Variants in IGSF3 observed in about 807,000 individuals in gnomAD.
The protein encoded by IGSF3 is glu-Trp-Ile EWI motif-containing protein 3.
Under a neutral mutation model 114.4 loss-of-function variants are expected in IGSF3, and 23 were observed. The ratio of observed to expected loss-of-function variants is 0.20; its 90% confidence interval spans 0.14 to 0.28. IGSF3 has a LOEUF of 0.28. Ranked by LOEUF, IGSF3 falls within the 10% of genes least tolerant of loss-of-function variation. IGSF3 has a pLI of 1.00. For synonymous variants in IGSF3, 571 were observed against 645.2 expected (o/e 0.88, Z 1.74); for missense variants, 1,172 against 1,591.5 (o/e 0.74, Z 4.48).
rs899569190 is a variant in IGSF3, at chr1:116,584,919, C to T, written c.2574G>A (p.Lys858=). 6.2e-6 allele frequency: 10 copies of T among 1,613,968 alleles called. No homozygotes were observed. The African/African-American group carries it at 8.0e-5, about 13-fold the overall frequency. ...CAGTCTCCCGCTCAGGGTGGTTGGGCTTCCATACAAACCATTCCACCATGA... is the reference window on the plus strand; with the variant it reads ...CAGTCTCCCGCTCAGGGTGGTTGGGTTTCCATACAAACCATTCCACCATGA... ...SQLMVEWFVW[K]PNHPERETVA... The change falls in exon 9 of 11, where the codon AAG becomes AAA. Residue 858 remains lysine, a synonymous_variant. Transcript: ENST00000369486. This position sits in a 1 kb window ranked among gnomAD's most constrained non-coding sequence, Gnocchi z 5.8.
chr1:116,659,659 G>C (rs1351962807), intron 2 of IGSF3, among the ~76,000 whole-genome samples: 1 of 152,072 alleles, frequency 6.6e-6, no homozygotes, highest in Non-Finnish European at 1.5e-5. Flanking sequence ...GGGCCACCCA[G>C]GCTAGAGTGC....
intron 2 of IGSF3, among the ~76,000 whole-genome samples, chr1:116,637,631 C>T (rs959255425): frequency 1.3e-5 from 2 of 152,178 alleles, no homozygotes; most frequent in Non-Finnish European, 1.5e-5. Flanking sequence ...ATGGCAGACA[C>T]CTGCCAACTA....
Position 116,632,628 on chromosome 1 carries a change from A to G in IGSF3, c.44-16171T>C, listed in dbSNP as rs1328354265. ...ATATATTTTTGTCTCCTCAAACTTAAGAAAAGCATTAAAGGAAATCCATGC... is the reference window on the plus strand; with the variant it reads ...ATATATTTTTGTCTCCTCAAACTTAGGAAAAGCATTAAAGGAAATCCATGC... On this transcript the variant is annotated intron_variant, in intron 2 of 10. Coordinates refer to ENST00000369486, the MANE Select transcript of IGSF3 (RefSeq NM_001007237.3). The surrounding 1 kb of genome is among the most constrained non-coding windows in gnomAD (Gnocchi z 5.1). Among the ~76,000 whole-genome samples, 2 of 152,222 alleles carry G rather than the reference A, an allele frequency of 1.3e-5. No homozygotes were observed. The highest frequency in any genetic ancestry group is 2.9e-5 in the Non-Finnish European group (2 of 68,036).
intron 2 of IGSF3, among the ~76,000 whole-genome samples, chr1:116,635,206 T>A (rs1466476158): frequency 6.6e-6 from 1 of 152,272 alleles, no homozygotes; most frequent in East Asian, 1.9e-4. Flanking sequence ...ACTTACTTCA[T>A]GTTCCTATTC....
At position 116,650,144 on chromosome 1, in the gene IGSF3, C is replaced by T. The variant is rs948711560; in HGVS notation, c.43+16140G>A. Among the ~76,000 whole-genome samples the T allele has an allele frequency of 6.7e-4, 102 of 152,324 alleles. No homozygotes were observed. The highest frequency in any genetic ancestry group is 2.2e-3 in the African/African-American group (92 of 41,574). On this transcript the variant is annotated intron_variant, in intron 2 of 10. Coordinates refer to ENST00000369486, the MANE Select transcript of IGSF3 (RefSeq NM_001007237.3). The surrounding 1 kb of genome is among the most constrained non-coding windows in gnomAD (Gnocchi z 5.0). ...GTACAAGAAGAAATCCTGTTTCATG[C>T]TCCTTTGAGGGAGTGTCTAACATAG...
At position 116,616,247 on chromosome 1, in the gene IGSF3, G is replaced by T; in HGVS notation, c.254C>A (p.Thr85Asn). Reference sequence around the variant, plus strand: ...GATCTTCCCTCCGCGGACGCGCTGGGTGTAGATGGCATAGGGGAAGGAAGA... The same window carrying T: ...GATCTTCCCTCCGCGGACGCGCTGGTTGTAGATGGCATAGGGGAAGGAAGA... ...MDSSFPYAIYTQRVRGGKIFI... is the reference protein window; with the variant it reads ...MDSSFPYAIYNQRVRGGKIFI... Residue 85 changes from threonine to asparagine, a missense_variant, in exon 3 of 11, where the codon ACC (threonine) becomes AAC (asparagine). Thr to Asn is a moderately conservative substitution (Grantham distance 65). Transcript: ENST00000369486. The surrounding 1 kb of genome is among the most constrained non-coding windows in gnomAD (Gnocchi z 6.6). The T allele has an allele frequency of 6.2e-7, 1 of 1,612,840 alleles. No individual in the cohort carries two copies. Among genetic ancestry groups the T allele is most frequent in the Non-Finnish European group, 8.5e-7 (1 of 1,179,642 alleles).
chr1:116,584,592 A>G lies in IGSF3; in HGVS notation c.2848+53T>C. On this transcript the variant is annotated intron_variant, in intron 9 of 10. Coordinates refer to ENST00000369486, the MANE Select transcript of IGSF3 (RefSeq NM_001007237.3). The surrounding 1 kb of genome is among the most constrained non-coding windows in gnomAD (Gnocchi z 5.8). ...TTTTATCCAGTGCATAAAACAGTAT[A>G]CTTAAATGGGAAACACCAGAGGGAG... 6.4e-7 allele frequency: 1 copy of G among 1,566,664 alleles called. No homozygotes were observed. Among genetic ancestry groups the G allele is most frequent in the African/African-American group, 1.3e-5 (1 of 74,132 alleles).
chr1:116,603,971 T>C lies in IGSF3; in HGVS notation c.1277A>G (p.Glu426Gly), dbSNP rs1334246124. ...GACACTGCAGGAGAAGCGCAGGTCC[T>C]CGCCCTCAAGGATGACGCTGGCATT... The part of the protein sequence containing the change: ...ASNASVILEG[E>G]DLRFSCSVRT... The change falls in exon 6 of 11, where the codon GAG becomes GGG. Residue 426 changes from glutamate (E) to glycine (G), a missense_variant. By Grantham distance (98) the Glu-to-Gly change is moderately conservative. Coordinates refer to ENST00000369486, the MANE Select transcript of IGSF3 (RefSeq NM_001007237.3). The surrounding 1 kb of genome is among the most constrained non-coding windows in gnomAD (Gnocchi z 7.1). 1 of 1,612,950 alleles carries C rather than the reference T, an allele frequency of 6.2e-7. No individual in the cohort carries two copies. Among genetic ancestry groups the C allele is most frequent in the Non-Finnish European group, 8.5e-7 (1 of 1,179,986 alleles).
intron 2 of IGSF3, among the ~76,000 whole-genome samples, chr1:116,653,501 T>C (rs1210607546): frequency 6.6e-6 from 1 of 152,232 alleles, no homozygotes; most frequent in Non-Finnish European, 1.5e-5. Context: ...TATGGGAAAT[T>C]ACAGCTCCTC....
Position 116,579,435 on chromosome 1 carries a change from C to T in IGSF3, c.3291G>A (p.Thr1097=), listed in dbSNP as rs759837286. The T allele has an allele frequency of 2.1e-5, 34 of 1,603,156 alleles. No homozygotes were observed. The highest frequency in any genetic ancestry group is 1.7e-4 in the Middle Eastern group (1 of 6,022). The change falls in exon 10 of 11, where the codon ACG becomes ACA. Residue 1097 remains threonine (T), a synonymous_variant. Transcript: ENST00000369486. The surrounding 1 kb of genome is among the most constrained non-coding windows in gnomAD (Gnocchi z 6.4). ...PSPQKEWYRL[T]EEESAPIGIR... is the part of the protein sequence containing the mutation. ...TGCCGATGGGGGCTGACTCCTCCTCCGTCAGCCGGTACCATTCCTTCTGAG... is the reference window on the plus strand; with the variant it reads ...TGCCGATGGGGGCTGACTCCTCCTCTGTCAGCCGGTACCATTCCTTCTGAG...
intron 2 of IGSF3, among the ~76,000 whole-genome samples, chr1:116,653,668 T>G (rs1360854662): frequency 2.0e-5 from 3 of 151,430 alleles, no homozygotes; most frequent in Non-Finnish European, 2.9e-5. Context: ...ACCATGGTCT[T>G]TTTCTTCCCT....
At chr1:116,604,610 A>T (rs1201300938) in intron 5 of IGSF3, among the ~76,000 whole-genome samples, 1 of 152,226 alleles carries the variant, frequency 6.6e-6, no homozygotes, top group African/African-American at 2.4e-5. Flanking sequence ...AGTTTTGCAG[A>T]GTGTGTGAGG....
rs1398513527 is a variant in IGSF3 at position 116,651,136 on chromosome 1, C to T, written c.43+15148G>A. 6.6e-6 allele frequency among the ~76,000 whole-genome samples: 1 copy of T among 152,252 alleles called. No individual in the cohort carries two copies. The highest frequency in any genetic ancestry group is 1.9e-4 in the East Asian group (1 of 5,202). The stretch of plus-strand genomic sequence containing the variant: ...GCCATAACTGAGCACATCACAGACT[C>T]ACACAAATCTGTGGAATGAGTGCAT... On this transcript the variant is annotated intron_variant, in intron 2 of 10. Coordinates refer to ENST00000369486, the MANE Select transcript of IGSF3 (RefSeq NM_001007237.3). The surrounding 1 kb of genome is among the most constrained non-coding windows in gnomAD (Gnocchi z 4.4).
intron 9 of IGSF3, among the ~76,000 whole-genome samples, chr1:116,580,494 C>G (rs1258117704): frequency 6.6e-6 from 1 of 152,138 alleles, no homozygotes; most frequent in Non-Finnish European, 1.5e-5. Context: ...GGTCATAAGG[C>G]TGAGTGAGAC....
Position 116,582,576 on chromosome 1 carries a change from T to C in IGSF3, c.2848+2069A>G, listed in dbSNP as rs1297891778. On this transcript the variant is annotated intron_variant, in intron 9 of 10. Coordinates refer to ENST00000369486, the MANE Select transcript of IGSF3 (RefSeq NM_001007237.3). The surrounding 1 kb of genome is among the most constrained non-coding windows in gnomAD (Gnocchi z 4.7). ...GAGCTATATTATTTCAAGTCTTCCATGTGTTTAACGTATCCCTCCGAAAAA... is the reference window on the plus strand; with the variant it reads ...GAGCTATATTATTTCAAGTCTTCCACGTGTTTAACGTATCCCTCCGAAAAA... Among the ~76,000 whole-genome samples the C allele has an allele frequency of 6.6e-6, 1 of 152,256 alleles. No homozygotes were observed. Among genetic ancestry groups the C allele is most frequent in the African/African-American group, 2.4e-5 (1 of 41,458 alleles).
At chr1:116,619,623 C>T (rs2336259) in intron 2 of IGSF3, among the ~76,000 whole-genome samples, 8 of 152,160 alleles carry the variant, frequency 5.3e-5, no homozygotes, top group Non-Finnish European at 1.0e-4. Context: ...CCCCACCATT[C>T]CCCTATAATA....
At chr1:116,658,417 C>T (rs1648962088) in intron 2 of IGSF3, among the ~76,000 whole-genome samples, 1 of 151,874 alleles carries the variant, frequency 6.6e-6, no homozygotes, top group Admixed American at 6.6e-5. Context: ...ACCTCTGGGC[C>T]CCCCACCTTC....
rs1047999020 is a variant in IGSF3, at chr1:116,614,678, A to AT, written c.422-504dup. Among the ~76,000 whole-genome samples, 26 of 152,224 alleles carry AT rather than the reference A, an allele frequency of 1.7e-4. No homozygotes were observed. Among genetic ancestry groups the AT allele is most frequent in the African/African-American group, 6.3e-4 (26 of 41,528 alleles). On this transcript the variant is annotated intron_variant, in intron 3 of 10. Coordinates refer to ENST00000369486, the MANE Select transcript of IGSF3 (RefSeq NM_001007237.3). This position sits in a 1 kb window ranked among gnomAD's most constrained non-coding sequence, Gnocchi z 4.5. ...TCAGCAATGCAGCCCTAGGAAGATG[A>AT]TTTTTTTAAAAAACCATTTTTGGTA...
At chr1:116,609,775 C>T (rs1660941791) in intron 4 of IGSF3, among the ~76,000 whole-genome samples, 1 of 152,096 alleles carries the variant, frequency 6.6e-6, no homozygotes. Context: ...CCGTCCTAGG[C>T]ACTCTTCAAG....
Sources: gnomAD v4.1 joint callset for allele counts (sites outside exome capture counted in the v4.1 genomes callset) on GRCh38, gnomAD v4.1.1 for gene constraint, Gnocchi (gnomAD v3.1) non-coding constraint, MANE v1.5 for transcripts, NCBI Gene and HGNC (gene_info 2026-07-23, HGNC 2026-07-21) for gene names.